Variants in TCF20 observed in about 807,000 individuals in gnomAD.
TCF20 encodes the protein transcription factor 20, also known as SPRE-binding protein.
In TCF20, 3 loss-of-function variants were observed where a neutral mutation model predicts 148.6. That is an observed-to-expected ratio of 0.02 (90% CI 0.01 to 0.05). The LOEUF is 0.05. TCF20 is among the 10% of genes least tolerant of loss of function. TCF20 has a pLI of 1.00. For synonymous variants in TCF20, 1,049 were observed against 909.5 expected (o/e 1.15, Z -2.76); for missense variants, 2,350 against 2,429.3 (o/e 0.97, Z 0.69).
chr22:42,241,797 G>A (rs1184995146), intron 1 of TCF20, among the ~76,000 whole-genome samples: 1 of 151,982 alleles, frequency 6.6e-6, no homozygotes, highest in East Asian at 1.9e-4. Flanking sequence ...CCACTGCACT[G>A]CACCCCAGCC....
intron 1 of TCF20, among the ~76,000 whole-genome samples, chr22:42,309,228 C>T (rs1927489066): frequency 6.6e-6 from 1 of 152,144 alleles, no homozygotes; most frequent in African/African-American, 2.4e-5. Context: ...CAGAGATTTA[C>T]AGACAGCAAG....
At chr22:42,331,707 C>T (rs1252295008) in intron 1 of TCF20, among the ~76,000 whole-genome samples, 5 of 152,382 alleles carry the variant, frequency 3.3e-5, no homozygotes. Flanking sequence ...AGCACTCTGC[C>T]AGGCACTGGG....
At chr22:42,244,915 AC>A (rs1362564790) in intron 1 of TCF20, among the ~76,000 whole-genome samples, 8 of 140,710 alleles carry the variant, frequency 5.7e-5, no homozygotes, top group Admixed American at 1.4e-4. Context: ...CCCCATCTCT[AC>A]AAAAAAAAAT....
chr22:42,255,377 T>A (rs1213940226), intron 1 of TCF20, among the ~76,000 whole-genome samples: 1 of 151,920 alleles, frequency 6.6e-6, no homozygotes, highest in African/African-American at 2.4e-5. Context: ...TAGTCCCAGC[T>A]AGTTGGGAGG....
chr22:42,337,526 C>T (rs1211503895), intron 1 of TCF20, among the ~76,000 whole-genome samples: 5 of 152,218 alleles, frequency 3.3e-5, no homozygotes, highest in African/African-American at 4.8e-5. Context: ...TGCCTAAGGG[C>T]TCTTCCCCCT....
upstream of TCF20, among the ~76,000 whole-genome samples, chr22:42,270,718 G>GGC (rs1910390418): frequency 1.4e-5 from 2 of 143,366 alleles, no homozygotes; most frequent in Non-Finnish European, 3.1e-5. Context: ...GGGCGGGCGG[G>GGC]AGGGCGCGCG....
At chr22:42,245,904 C>G (rs567513501) in intron 1 of TCF20, among the ~76,000 whole-genome samples, 3 of 152,218 alleles carry the variant, frequency 2.0e-5, no homozygotes, top group African/African-American at 7.2e-5. Flanking sequence ...TGAGCCACCA[C>G]AGCCAGCTCT....
intron 2 of TCF20, among the ~76,000 whole-genome samples, chr22:42,199,274 C>G (rs1019097890): frequency 2.0e-5 from 3 of 152,126 alleles, no homozygotes; most frequent in African/African-American, 4.8e-5. Context: ...AACCCTGTGG[C>G]CAATTTTTCT....
chr22:42,232,593 C>T (rs866203274), intron 1 of TCF20, among the ~76,000 whole-genome samples: 30 of 152,044 alleles, frequency 2.0e-4, no homozygotes, highest in Middle Eastern at 3.4e-3. Flanking sequence ...TTTGGGAGGT[C>T]GAGGCGGGCG....
exon 1 of TCF20, among the ~76,000 whole-genome samples, chr22:42,283,903 T>A (rs1926970458): frequency 6.6e-6 from 1 of 151,188 alleles, no homozygotes; most frequent in African/African-American, 2.4e-5. Flanking sequence ...GGAAAACAAC[T>A]CCTGAGCCGA....
intron 1 of TCF20, among the ~76,000 whole-genome samples, chr22:42,241,643 A>G (rs1215979431): frequency 6.6e-6 from 1 of 152,170 alleles, no homozygotes; most frequent in Non-Finnish European, 1.5e-5. Flanking sequence ...CTTGGCCATC[A>G]TGGTGAAACT....
intron 3 of TCF20, among the ~76,000 whole-genome samples, chr22:42,177,978 T>C (rs1334318102): frequency 2.0e-5 from 3 of 152,156 alleles, no homozygotes; most frequent in Admixed American, 6.5e-5. Flanking sequence ...TTGGAACTGT[T>C]AGCTCTACCC....
intron 1 of TCF20, among the ~76,000 whole-genome samples, chr22:42,242,071 A>C (rs1924451789): frequency 6.6e-6 from 1 of 151,354 alleles, no homozygotes; most frequent in Admixed American, 6.6e-5. Context: ...GCGTGGTAAT[A>C]AGTGCCTGTA....
intron 2 of TCF20, among the ~76,000 whole-genome samples, chr22:42,204,417 T>A (rs1043042973): frequency 2.0e-5 from 3 of 151,930 alleles, no homozygotes; most frequent in African/African-American, 7.3e-5. Flanking sequence ...ATCACTTGAA[T>A]ACAGGAGGCG....
chr22:42,200,327 C>G (rs750088020), intron 2 of TCF20, among the ~76,000 whole-genome samples: 1 of 152,092 alleles, frequency 6.6e-6, no homozygotes, highest in Non-Finnish European at 1.5e-5. Context: ...TTTCCCAAAC[C>G]TGCTGCATCT....
intron 1 of TCF20, among the ~76,000 whole-genome samples, chr22:42,251,213 T>C (rs113551472): frequency 8.5e-5 from 13 of 152,320 alleles, no homozygotes; most frequent in African/African-American, 1.9e-4. Context: ...TGTTTGTTTA[T>C]TGAAGACAAA....
chr22:42,318,418 G>C (rs1473797421), intron 1 of TCF20, among the ~76,000 whole-genome samples: 4 of 152,224 alleles, frequency 2.6e-5, no homozygotes, highest in Non-Finnish European at 5.9e-5. Context: ...CGGCCTGTGA[G>C]AGGAGAGGGG....
At chr22:42,263,577 T>C (rs1926132931) in intron 1 of TCF20, among the ~76,000 whole-genome samples, 1 of 152,190 alleles carries the variant, frequency 6.6e-6, no homozygotes. Context: ...CTAAATGAAC[T>C]AAATCTGATC....
chr22:42,274,475 G>C (rs1458424893), upstream of TCF20: 1 of 152,384 alleles, frequency 6.6e-6, no homozygotes, highest in Admixed American at 6.5e-5. Flanking sequence ...GTGGTGGGGA[G>C]GGCCTTAAAA....
Sources: allele counts gnomAD v4.1 joint callset (sites outside exome capture counted in the v4.1 genomes callset), GRCh38; gene constraint gnomAD v4.1.1; transcripts MANE v1.5; gene names NCBI Gene and HGNC (gene_info 2026-07-23, HGNC 2026-07-21).